Variants in ADAMTS9 observed in about 807,000 individuals in gnomAD.
ADAMTS9 encodes the protein ADAM metallopeptidase with thrombospondin type 1 motif 9.
Under a neutral mutation model 257.1 loss-of-function variants are expected in ADAMTS9, and 107 were observed. The ratio of observed to expected loss-of-function variants is 0.42; its 90% confidence interval spans 0.36 to 0.49. The LOEUF (loss-of-function observed/expected upper bound fraction) is 0.49, where lower values mean the gene tolerates loss of function less well. ADAMTS9 is among the 20% of genes least tolerant of loss of function. ADAMTS9 has a pLI of 0.03. For missense variants in ADAMTS9, 2,353 were observed against 2,469.1 expected (o/e 0.95, Z 1.00); for synonymous variants, 982 against 880.9 (o/e 1.11, Z -2.03).
chr3:64,548,401 C>A (rs1330954166), intron 31 of ADAMTS9, among the ~76,000 whole-genome samples: 1 of 152,298 alleles, frequency 6.6e-6, no homozygotes, highest in East Asian at 1.9e-4. Context: ...AGTGTAAGGC[C>A]AGCCCGGGGT....
chr3:64,517,416 G>GTTTTTTTTTTTTTTTTTTTTTTTTT lies in ADAMTS9; in HGVS notation c.*6-296_*6-295insAAAAAAAAAAAAAAAAAAAAAAAAA, dbSNP rs755480110. Among the ~76,000 whole-genome samples the GTTTTTTTTTTTTTTTTTTTTTTTTT allele has an allele frequency of 1.5e-3, 79 of 52,670 alleles. 27 individuals carry two copies. The highest frequency in any genetic ancestry group is 3.1e-3 in the South Asian group (2 of 648). 34.6% of individuals were successfully genotyped at this position (52,670 alleles called of 152,430 possible). On this transcript the variant is annotated intron_variant, in intron 39 of 39. Coordinates refer to ENST00000498707, the MANE Select transcript of ADAMTS9 (RefSeq NM_182920.2). ...CATCAAGCCCAGCTAATTAAAAATG[G>GTTTTTTTTTTTTTTTTTTTTTTTTT]TTTTTTTTTTTTTTTTTTTTTTTGC... is the stretch of plus-strand genomic sequence containing the variant.
chr3:64,629,218 C>G (rs762599610), intron 16 of ADAMTS9, among the ~76,000 whole-genome samples: 1 of 152,172 alleles, frequency 6.6e-6, no homozygotes, highest in Non-Finnish European at 1.5e-5. Flanking sequence ...TCAATGGCAC[C>G]GCTTCTGTCC....
At chr3:64,520,556 A>G (rs1158747395) in intron 39 of ADAMTS9, among the ~76,000 whole-genome samples, 1 of 152,140 alleles carries the variant, frequency 6.6e-6, no homozygotes, top group African/African-American at 2.4e-5. Flanking sequence ...CAAGGCAGCA[A>G]ACTAAAGGTA....
intron 27 of ADAMTS9, among the ~76,000 whole-genome samples, chr3:64,595,318 G>A (rs547297114): frequency 6.6e-6 from 1 of 152,272 alleles, no homozygotes; most frequent in African/African-American, 2.4e-5. Context: ...CACTGGATAA[G>A]GTTCTGACTC....
At chr3:64,634,656 T>A (rs1379769025) in intron 12 of ADAMTS9, among the ~76,000 whole-genome samples, 1 of 152,168 alleles carries the variant, frequency 6.6e-6, no homozygotes, top group Non-Finnish European at 1.5e-5. Flanking sequence ...GTCAGCAGCA[T>A]GCCAAATTCA....
chr3:64,648,298 C>G (rs1700846496), intron 10 of ADAMTS9, among the ~76,000 whole-genome samples: 1 of 152,172 alleles, frequency 6.6e-6, no homozygotes, highest in Non-Finnish European at 1.5e-5. Flanking sequence ...GCTGAAGGCC[C>G]TATGTACTCA....
At chr3:64,538,294 C>G in intron 37 of ADAMTS9, among the ~76,000 whole-genome samples, 1 of 152,098 alleles carries the variant, frequency 6.6e-6, no homozygotes, top group Non-Finnish European at 1.5e-5. Context: ...TGAGAAAGGT[C>G]AGCTGTTTTG....
At chr3:64,682,772 C>T (rs1378590982) in intron 2 of ADAMTS9, among the ~76,000 whole-genome samples, 1 of 152,092 alleles carries the variant, frequency 6.6e-6, no homozygotes, top group Non-Finnish European at 1.5e-5. Context: ...GGGGTAGGGC[C>T]CAAGAATTGA....
In ADAMTS9 at chr3:64,604,346, G is replaced by GA; in HGVS notation, c.3475-16_3475-15insT. 2.0e-6 allele frequency: 3 copies of GA among 1,535,540 alleles called. No homozygotes were observed. The highest frequency in any genetic ancestry group is 2.1e-5 in the Admixed American group (1 of 48,740). ...AATTCACAGTCCTAGACGTGATGGGGGAAAAAAAAACAAAGTCACTTTCAA... is the reference window on the plus strand; with the variant it reads ...AATTCACAGTCCTAGACGTGATGGGGAGAAAAAAAAACAAAGTCACTTTCAA... On this transcript the variant is annotated splice_polypyrimidine_tract_variant and intron_variant, in intron 23 of 39. Transcript: ENST00000498707.
chr3:64,542,282 G>T (rs2083134955), intron 32 of ADAMTS9, among the ~76,000 whole-genome samples: 1 of 152,114 alleles, frequency 6.6e-6, no homozygotes. Flanking sequence ...CTATGAGATA[G>T]TATTACCATT....
chr3:64,615,823 G>C, intron 20 of ADAMTS9, 137 bp downstream of exon 20: 1 of 1,037,134 alleles, frequency 9.6e-7, no homozygotes, highest in East Asian at 2.4e-5. Context: ...TGGAAAGCTT[G>C]AATGGGGTCA....
chr3:64,652,655 G>A (rs1169629670), intron 8 of ADAMTS9, among the ~76,000 whole-genome samples: 1 of 152,158 alleles, frequency 6.6e-6, no homozygotes, highest in Non-Finnish European at 1.5e-5. Flanking sequence ...CACTGCAGGA[G>A]TTAAATAATA....
At chr3:64,538,748 G>A (rs1021866463) in intron 37 of ADAMTS9, among the ~76,000 whole-genome samples, 3 of 152,104 alleles carry the variant, frequency 2.0e-5, no homozygotes, top group Non-Finnish European at 4.4e-5. Context: ...TCCATTTAGT[G>A]ACATAATGTT....
chr3:64,679,863 G>A (rs1701711494), intron 3 of ADAMTS9, among the ~76,000 whole-genome samples: 1 of 152,178 alleles, frequency 6.6e-6, no homozygotes, highest in South Asian at 2.1e-4. Context: ...GCTGGTGGCT[G>A]GCAGTCTTGA....
At chr3:64,642,431 T>C (rs1020675927) in intron 11 of ADAMTS9, among the ~76,000 whole-genome samples, 2 of 138,244 alleles carry the variant, frequency 1.4e-5, no homozygotes, top group African/African-American at 5.9e-5. Flanking sequence ...CAATTTTAAT[T>C]ATATTGGAGA....
intron 29 of ADAMTS9, among the ~76,000 whole-genome samples, chr3:64,563,832 C>G (rs1217255887): frequency 6.6e-6 from 1 of 152,176 alleles, no homozygotes; most frequent in Non-Finnish European, 1.5e-5. Flanking sequence ...ATAATGCATT[C>G]ACAGTAATCT....
At chr3:64,608,241 T>C (rs1178896290) in intron 22 of ADAMTS9, among the ~76,000 whole-genome samples, 3 of 31,098 alleles carry the variant, frequency 9.6e-5, no homozygotes, top group Non-Finnish European at 2.1e-4. Context: ...ACTACAAAAT[T>C]AACAGCAAAC....
chr3:64,545,043 C>T (rs1424006776), intron 32 of ADAMTS9, among the ~76,000 whole-genome samples: 1 of 152,096 alleles, frequency 6.6e-6, no homozygotes, highest in Non-Finnish European at 1.5e-5. Context: ...AAAGGCAAAT[C>T]AAAACCACAA....
chr3:64,572,422 A>G (rs1199695860), intron 28 of ADAMTS9, among the ~76,000 whole-genome samples: 1 of 152,174 alleles, frequency 6.6e-6, no homozygotes, highest in African/African-American at 2.4e-5. Flanking sequence ...AAGAAGTAGC[A>G]CTGGATATGG....
Sources: gnomAD v4.1 joint callset for allele counts (sites outside exome capture counted in the v4.1 genomes callset) on GRCh38, gnomAD v4.1.1 for gene constraint, MANE v1.5 for transcripts, NCBI Gene and HGNC (gene_info 2026-07-23, HGNC 2026-07-21) for gene names.